The following PAK3 variants were observed in gnomAD, a reference collection of about 807,000 sequenced individuals.
The protein encoded by PAK3 is serine/threonine-protein kinase PAK 3.
PAK3 carries 4 observed loss-of-function variants against 41.0 expected under a neutral mutation model. The observed-to-expected ratio is 0.10, with a 90% CI of 0.05 to 0.22. The LOEUF is 0.22. Ranked by LOEUF, PAK3 falls within the 10% of genes least tolerant of loss-of-function variation. PAK3 has a pLI of 1.00. For synonymous variants in PAK3, 146 were observed against 139.6 expected, an observed-to-expected ratio of 1.05 and a Z score of -0.32; for missense variants, 205 against 409.9, an observed-to-expected ratio of 0.50 and a Z score of 4.32.
chrX:111,217,671 C>T (rs998282249), intron 17 of PAK3: 1 of 725,065 alleles, frequency 1.4e-6, no homozygotes, highest in African/African-American at 2.3e-5. Context: ...GCAAGCATTT[C>T]ACAGGTTATC....
intron 17 of PAK3, chrX:111,216,963 G>C: frequency 1.3e-6 from 1 of 749,649 alleles, no homozygotes; most frequent in Non-Finnish European, 1.6e-6. Flanking sequence ...TGCTTTGCTG[G>C]TCAAAGCCCC....
chrX:110,996,537 T>C (rs2091742985), intron 1 of PAK3, among the ~76,000 whole-genome samples: 2 of 111,980 alleles, frequency 1.8e-5, no homozygotes, highest in South Asian at 7.5e-4. Flanking sequence ...GATGTGGCTT[T>C]TGGGATGCAG....
chrX:111,142,325 C>G (rs2093883567), intron 6 of PAK3, 129 bp downstream of exon 6: 1 of 543,515 alleles, frequency 1.8e-6, no homozygotes. Context: ...ATAAGATGGA[C>G]ATTGCCTAGG....
At chrX:111,136,718 A>G (rs1049668526) in intron 5 of PAK3, among the ~76,000 whole-genome samples, 14 of 111,925 alleles carry the variant, frequency 1.3e-4, no homozygotes, top group African/African-American at 4.6e-4. Context: ...AACAAGGTTG[A>G]ATATTGCAGA....
chrX:111,051,649 CCTT>C (rs1412157005), intron 1 of PAK3, among the ~76,000 whole-genome samples: 1 of 111,315 alleles, frequency 9.0e-6, no homozygotes, highest in Non-Finnish European at 1.9e-5. Flanking sequence ...GCTGATCTCT[CCTT>C]AGTACAGTGG....
intron 11 of PAK3, among the ~76,000 whole-genome samples, chrX:111,191,290 G>T (rs2094558561): frequency 9.0e-6 from 1 of 110,775 alleles, no homozygotes; most frequent in Non-Finnish European, 1.9e-5. Context: ...ATAGAGACTG[G>T]ATCTCACCGT....
At chrX:110,971,188 A>G (rs1248014641) in intron 1 of PAK3, among the ~76,000 whole-genome samples, 1 of 112,243 alleles carries the variant, frequency 8.9e-6, no homozygotes, top group Non-Finnish European at 1.9e-5. Flanking sequence ...ACCAGAATCA[A>G]TTTTATTCAG....
intron 1 of PAK3, among the ~76,000 whole-genome samples, chrX:111,024,505 C>T (rs1477882063): frequency 9.0e-6 from 1 of 110,566 alleles, no homozygotes; most frequent in Non-Finnish European, 1.9e-5. Flanking sequence ...TTTCACAATT[C>T]TTATATCAGA....
chrX:111,112,130 G>A (rs749013681), intron 4 of PAK3, among the ~76,000 whole-genome samples: 1 of 111,627 alleles, frequency 9.0e-6, no homozygotes, highest in East Asian at 2.8e-4. Context: ...AGTTAATCAT[G>A]CTATCTCACC....
chrX:111,143,635 C>T (rs1277017158), intron 6 of PAK3, among the ~76,000 whole-genome samples: 1 of 111,062 alleles, frequency 9.0e-6, no homozygotes, highest in Non-Finnish European at 1.9e-5. Flanking sequence ...CTACCACCAC[C>T]ATCATCACCA....
intron 1 of PAK3, among the ~76,000 whole-genome samples, chrX:110,968,824 T>C (rs1266095217): frequency 9.0e-6 from 1 of 111,388 alleles, no homozygotes; most frequent in African/African-American, 3.3e-5. Flanking sequence ...AGTAAAGTTT[T>C]TAAATTTTTA....
intron 1 of PAK3, among the ~76,000 whole-genome samples, chrX:110,995,184 G>A (rs1262045203): frequency 9.0e-6 from 1 of 111,191 alleles, no homozygotes; most frequent in Non-Finnish European, 1.9e-5. Flanking sequence ...AACCAGTGTT[G>A]GGGTTAGTAG....
intron 8 of PAK3, among the ~76,000 whole-genome samples, chrX:111,159,001 T>C (rs2094139366): frequency 8.9e-6 from 1 of 111,749 alleles, no homozygotes; most frequent in Non-Finnish European, 1.9e-5. Flanking sequence ...TAATAGACTG[T>C]ATATACTCTC....
At chrX:110,976,192 AT>A (rs1389167449) in intron 1 of PAK3, among the ~76,000 whole-genome samples, 2 of 112,190 alleles carry the variant, frequency 1.8e-5, no homozygotes, top group African/African-American at 6.5e-5. Context: ...ATGGGAGAAA[AT>A]TTTTGCAATC....
At chrX:111,156,626 T>C (rs754314282) in intron 8 of PAK3, among the ~76,000 whole-genome samples, 1 of 112,063 alleles carries the variant, frequency 8.9e-6, no homozygotes, top group Non-Finnish European at 1.9e-5. Context: ...GACAACCCCT[T>C]GTAGACATAG....
chrX:111,109,500 A>C (rs1202441994), intron 4 of PAK3, among the ~76,000 whole-genome samples: 3 of 112,112 alleles, frequency 2.7e-5, no homozygotes, highest in Non-Finnish European at 5.6e-5. Flanking sequence ...GAGTTTCCTC[A>C]ACTACTGTGT....
intron 1 of PAK3, among the ~76,000 whole-genome samples, chrX:111,034,396 A>G (rs932681048): frequency 8.9e-6 from 1 of 111,997 alleles, no homozygotes; most frequent in Non-Finnish European, 1.9e-5. Flanking sequence ...CACTGCTTCA[A>G]TGACCACATT....
chrX:111,149,190 C>T (rs773556970), intron 7 of PAK3, among the ~76,000 whole-genome samples: 6 of 111,931 alleles, frequency 5.4e-5, no homozygotes, highest in African/African-American at 1.3e-4. Flanking sequence ...ATCTAGGTCA[C>T]GCTGATGTAA....
Position 111,111,057 on chromosome X carries a change from T to C in PAK3, c.-28+7751T>C, listed in dbSNP as rs534660576. On this transcript the variant is annotated intron_variant, in intron 4 of 17. Coordinates refer to ENST00000372007, the MANE Select transcript of PAK3 (RefSeq NM_002578.5). ...AGATCTGGTCTAGTCCTCCTTCTCATTGTGTATTCTTCCTGAGCAATTGTG... is the reference window on the plus strand; with the variant it reads ...AGATCTGGTCTAGTCCTCCTTCTCACTGTGTATTCTTCCTGAGCAATTGTG... Among the ~76,000 whole-genome samples the C allele has an allele frequency of 1.2e-4, 13 of 111,835 alleles. No homozygotes were observed. In the South Asian group the frequency reaches 4.9e-3, roughly 42 times the overall value.
Sources: allele counts gnomAD v4.1 joint callset (sites outside exome capture counted in the v4.1 genomes callset), GRCh38; gene constraint gnomAD v4.1.1; transcripts MANE v1.5; gene names NCBI Gene and HGNC (gene_info 2026-07-23, HGNC 2026-07-21).